SRFBP1: variants seen among roughly 807,000 people sequenced by gnomAD.
SRFBP1 encodes serum response factor binding protein 1, also known as serum response factor-binding protein 1.
SRFBP1 carries 47 observed loss-of-function variants against 45.5 expected under a neutral mutation model. The ratio of observed to expected loss-of-function variants is 1.03; its 90% confidence interval spans 0.82 to 1.32. The LOEUF is 1.32. Ranked by LOEUF, SRFBP1 falls within the 40% of genes most tolerant of loss-of-function variation. The probability of loss-of-function intolerance (pLI) is 0.00; values close to 1 mark genes in which losing one functional copy is unlikely to be tolerated. For missense variants in SRFBP1, 621 were observed against 484.6 expected (o/e 1.28, Z -2.64); for synonymous variants, 203 against 166.3 (o/e 1.22, Z -1.70).
chr5:122,021,822 G>A (rs1012789202), intron 6 of SRFBP1, among the ~76,000 whole-genome samples: 1 of 150,860 alleles, frequency 6.6e-6, no homozygotes, highest in African/African-American at 2.4e-5. Flanking sequence ...GATTATAGGC[G>A]CATGCCACCA....
At chr5:122,022,462 A>G (rs1753380939) in intron 7 of SRFBP1, 55 bp downstream of exon 7, 4 of 1,487,940 alleles carry the variant, frequency 2.7e-6, no homozygotes, top group Non-Finnish European at 3.7e-6. Flanking sequence ...GTTTTACCAG[A>G]GTAAAAGAAT....
intron 2 of SRFBP1, chr5:122,064,634 G>A (rs537197093): frequency 1.4e-4 from 21 of 152,044 alleles, no homozygotes; most frequent in African/African-American, 3.9e-4. Context: ...TCATAGACAT[G>A]TAATTTTATT....
intron 1 of SRFBP1, among the ~76,000 whole-genome samples, chr5:121,962,450 T>C (rs1007891184): frequency 2.0e-5 from 3 of 152,230 alleles, no homozygotes; most frequent in African/African-American, 4.8e-5. Context: ...CATTACCTGC[T>C]CTTTATTGCC....
chr5:122,022,678 G>A (rs1240476273), intron 7 of SRFBP1, among the ~76,000 whole-genome samples: 1 of 152,082 alleles, frequency 6.6e-6, no homozygotes, highest in Non-Finnish European at 1.5e-5. Flanking sequence ...CTTTTTTTAA[G>A]TAAATTATGC....
chr5:122,033,008 T>G (rs759502700), downstream of SRFBP1, among the ~76,000 whole-genome samples: 7 of 152,134 alleles, frequency 4.6e-5, no homozygotes, highest in Non-Finnish European at 8.8e-5. Flanking sequence ...CATGACCTCT[T>G]TGTGACAGTA....
At chr5:121,984,811 G>C (rs902612288) in intron 3 of SRFBP1, among the ~76,000 whole-genome samples, 2 of 151,726 alleles carry the variant, frequency 1.3e-5, no homozygotes, top group Non-Finnish European at 3.0e-5. Flanking sequence ...TTCCAGATCA[G>C]CTATACCACA....
intron 4 of SRFBP1, among the ~76,000 whole-genome samples, chr5:122,002,018 A>G (rs539254206): frequency 1.5e-4 from 23 of 152,360 alleles, no homozygotes; most frequent in Non-Finnish European, 1.8e-4. Flanking sequence ...CTTATATTAC[A>G]TATTGATTTG....
intron 4 of SRFBP1, among the ~76,000 whole-genome samples, chr5:122,014,243 A>G (rs1185827115): frequency 6.6e-6 from 1 of 152,160 alleles, no homozygotes; most frequent in African/African-American, 2.4e-5. Context: ...GATAGCATTA[A>G]CTGTTATTCA....
At chr5:122,077,047 C>G (rs775737705), downstream of SRFBP1, 1 of 1,603,616 alleles carries the variant, frequency 6.2e-7, no homozygotes, top group Non-Finnish European at 8.5e-7. This position sits in a 1 kb window ranked among gnomAD's most constrained non-coding sequence, Gnocchi z 4.9. Flanking sequence ...CAACCCGGCG[C>G]CCCCCGCTCC....
At chr5:122,002,103 C>G (rs993332208) in intron 4 of SRFBP1, among the ~76,000 whole-genome samples, 1 of 152,224 alleles carries the variant, frequency 6.6e-6, no homozygotes, top group South Asian at 2.1e-4. Flanking sequence ...ATGTTAGATA[C>G]AATCACATTT....
At chr5:122,041,036 T>C (rs1753764510) in intron 2 of SRFBP1, among the ~76,000 whole-genome samples, 1 of 152,188 alleles carries the variant, frequency 6.6e-6, no homozygotes, top group Non-Finnish European at 1.5e-5. Flanking sequence ...GGTTGATACA[T>C]AGTAAGTGCT....
intron 2 of SRFBP1, chr5:122,070,486 G>A (rs1241027041): frequency 6.7e-7 from 1 of 1,496,866 alleles, no homozygotes; most frequent in African/African-American, 1.4e-5. Context: ...ATTTTCAAAG[G>A]TCTTTACCTT....
At position 122,040,573 on chromosome 5, in the gene SRFBP1, GCTCT is replaced by G. The variant is rs147948865; in HGVS notation, n.311+18171_311+18174del. On this transcript the variant is annotated intron_variant and non_coding_transcript_variant, in intron 2 of 2. Transcript: ENST00000504881. ...GTATGAATACTCAATGCTTAGCTTT[GCTCT>G]CTCTATCTGGACAGAAGTTCACAGC... 6.3e-3 allele frequency among the ~76,000 whole-genome samples: 956 copies of G among 152,214 alleles called. 8 individuals carry two copies. The highest frequency in any genetic ancestry group is 0.021 in the African/African-American group (888 of 41,536).
chr5:121,975,473 T>C lies in SRFBP1; in HGVS notation c.198+86T>C. 5 of 1,437,242 alleles carry C rather than the reference T, an allele frequency of 3.5e-6. No individual in the cohort carries two copies. In the East Asian group the frequency reaches 9.1e-5, roughly 26 times the overall value. 89.0% of individuals were successfully genotyped at this position (1,437,242 alleles called of 1,614,324 possible). On this transcript the variant is annotated intron_variant, in intron 3 of 7. Transcript: ENST00000339397. Reference sequence around the variant, plus strand: ...TTGTTTGTGTGTGGTATTGCTTATTTGAATATTCCCGAGAGTTGCGTAAGA... The same window carrying C: ...TTGTTTGTGTGTGGTATTGCTTATTCGAATATTCCCGAGAGTTGCGTAAGA...
chr5:122,056,076 G>A lies in SRFBP1; in HGVS notation n.312-19239G>A, dbSNP rs190122654. On this transcript the variant is annotated intron_variant and non_coding_transcript_variant, in intron 2 of 2. Coordinates refer to the SRFBP1 transcript ENST00000504881. ...AAAAAATTAGAGAACCTTTCACTCC[G>A]GTCCCCAAACCTCTGAACTTTCTTG... Among the ~76,000 whole-genome samples, 159 of 152,150 alleles carry A rather than the reference G, an allele frequency of 1.0e-3. 2 individuals are homozygous for A. The highest frequency in any genetic ancestry group is 3.8e-3 in the African/African-American group (156 of 41,504).
intron 1 of SRFBP1, among the ~76,000 whole-genome samples, chr5:121,965,814 A>G (rs1326570649): frequency 1.3e-5 from 2 of 152,116 alleles, no homozygotes; most frequent in East Asian, 1.9e-4. Flanking sequence ...GATTCTTCCT[A>G]TCTATGAGCA....
intron 3 of SRFBP1, among the ~76,000 whole-genome samples, chr5:121,984,102 T>G (rs1176937454): frequency 6.6e-6 from 1 of 151,778 alleles, no homozygotes; most frequent in South Asian, 2.1e-4. Context: ...ACACATACTT[T>G]TGCAAAATCA....
chr5:122,002,695 C>CGAATATTGA (rs1050668778), intron 4 of SRFBP1, among the ~76,000 whole-genome samples: 1 of 151,520 alleles, frequency 6.6e-6, no homozygotes, highest in Admixed American at 6.6e-5. Context: ...GAGAATATTG[C>CGAATATTGA]GAATATTGAG....
downstream of SRFBP1, among the ~76,000 whole-genome samples, chr5:122,029,313 C>G (rs900735925): frequency 3.9e-5 from 6 of 152,158 alleles, no homozygotes; most frequent in Non-Finnish European, 8.8e-5. Context: ...GGAACTCTAC[C>G]TGATACTGTG....
Sources: gnomAD v4.1 joint callset for allele counts (sites outside exome capture counted in the v4.1 genomes callset) on GRCh38, gnomAD v4.1.1 for gene constraint, Gnocchi (gnomAD v3.1) non-coding constraint, MANE v1.5 for transcripts, NCBI Gene and HGNC (gene_info 2026-07-23, HGNC 2026-07-21) for gene names.